The following CELSR1 variants were observed in gnomAD, a reference collection of about 807,000 sequenced individuals.
The protein encoded by CELSR1 is cadherin EGF LAG seven-pass G-type receptor 1, also known as adhesion G protein-coupled receptor C1.
CELSR1 carries 110 observed loss-of-function variants against 249.1 expected under a neutral mutation model. The observed-to-expected ratio is 0.44, with a 90% CI of 0.38 to 0.52. CELSR1 has a LOEUF of 0.52. CELSR1 is among the 20% of genes least tolerant of loss of function. The pLI is 0.00. For missense variants in CELSR1, 4,109 were observed against 4,296.4 expected, an observed-to-expected ratio of 0.96 and a Z score of 1.22; for synonymous variants, 2,113 against 1,900.0, an observed-to-expected ratio of 1.11 and a Z score of -2.92.
chr22:46,367,140 CAGCACCTGCTGCTGCCTCCCTA>C (rs2078794370), intron 28 of CELSR1, 22 bp from the exon 29 acceptor site: 2 of 1,606,508 alleles, frequency 1.2e-6, no homozygotes, highest in East Asian at 4.5e-5. Flanking sequence ...AAGGTGGGGT[CAGCACCTGCTGCTGCCTCCCTA>C]GGCACCTGCC....
At chr22:46,501,910 T>C (rs1231878546) in intron 1 of CELSR1, among the ~76,000 whole-genome samples, 1 of 152,150 alleles carries the variant, frequency 6.6e-6, no homozygotes, top group African/African-American at 2.4e-5. Flanking sequence ...TGTGACTCAC[T>C]TCATTCTGAA....
rs907088881 is a variant in CELSR1, at chr22:46,402,608, T to C, written c.5227-2706A>G. ...AAGTATACGAGGATATAAGGTAATA[T>C]GCTTGAAAACCAAGAGAAGCAAGGA... On this transcript the variant is annotated intron_variant, in intron 9 of 34. Coordinates refer to ENST00000674500, the MANE Select transcript of CELSR1 (RefSeq NM_001378328.1). The surrounding 1 kb of genome is among the most constrained non-coding windows in gnomAD (Gnocchi z 5.0). 1.1e-4 allele frequency among the ~76,000 whole-genome samples: 17 copies of C among 152,186 alleles called. No homozygotes were observed. The highest frequency in any genetic ancestry group is 4.1e-4 in the African/African-American group (17 of 41,432).
chr22:46,493,188 T>C (rs1329387067), intron 1 of CELSR1, among the ~76,000 whole-genome samples: 1 of 151,932 alleles, frequency 6.6e-6, no homozygotes, highest in Non-Finnish European at 1.5e-5. Flanking sequence ...AGTTGGAGGC[T>C]GCAATGAGCC....
chr22:46,382,661 A>G (rs1268482482), intron 20 of CELSR1, among the ~76,000 whole-genome samples: 1 of 152,206 alleles, frequency 6.6e-6, no homozygotes, highest in Non-Finnish European at 1.5e-5. Flanking sequence ...ATGGGTCAAC[A>G]GGTGAGTGGA....
chr22:46,404,737 C>T (rs1422657021), intron 9 of CELSR1, among the ~76,000 whole-genome samples: 1 of 152,120 alleles, frequency 6.6e-6, no homozygotes, highest in Non-Finnish European at 1.5e-5. Flanking sequence ...GATCCACCTG[C>T]CTTGGCCTTC....
intron 2 of CELSR1, chr22:46,462,938 T>C (rs796675695): frequency 4.9e-5 from 23 of 465,932 alleles, no homozygotes; most frequent in African/African-American, 4.6e-4. Context: ...CAGGGAGGCA[T>C]GAAAAAACAG....
chr22:46,494,902 T>C (rs958532430), intron 1 of CELSR1, among the ~76,000 whole-genome samples: 11 of 152,366 alleles, frequency 7.2e-5, no homozygotes, highest in African/African-American at 2.4e-4. Flanking sequence ...GTAGGTTATA[T>C]ATTTCACTTT....
intron 3 of CELSR1, among the ~76,000 whole-genome samples, chr22:46,438,098 A>C (rs1602136283): frequency 6.6e-6 from 1 of 152,176 alleles, no homozygotes; most frequent in African/African-American, 2.4e-5. Context: ...ACGGAGCAAT[A>C]AAGAAGGGAC....
In CELSR1 at chr22:46,484,108, G is replaced by A. The variant is rs187197793; in HGVS notation, c.3545-19763C>T. Among the ~76,000 whole-genome samples the A allele has an allele frequency of 1.1e-4, 17 of 152,324 alleles. No homozygotes were observed. In the East Asian group the frequency reaches 1.7e-3, roughly 16 times the overall value. On this transcript the variant is annotated intron_variant, in intron 1 of 34. Transcript: ENST00000674500. This position sits in a 1 kb window ranked among gnomAD's most constrained non-coding sequence, Gnocchi z 4.5. ...GGCTCTCAGACTCACCTGTAGGGAG[G>A]AGCGCCCCAGGCCTTCCGCCCAGAA... is the stretch of plus-strand genomic sequence containing the variant.
rs146506652 is a variant in CELSR1, at chr22:46,463,854, C to T, written c.4036G>A (p.Gly1346Ser). ...VLFRPIHPIN[G>S]LRCRCPPGFT... is the part of the protein sequence containing the mutation. ...CCGGGCGGGCAGCGGCAGCGCAGGC[C>T]GTTGATGGGGTGGATGGGCCGGAAG... The change falls in exon 2 of 35, where the codon GGC (glycine) becomes AGC (serine). Residue 1346 changes from glycine (G) to serine (S), a missense_variant. Physicochemically the swap from Gly to Ser is moderately conservative, Grantham distance 56. Coordinates refer to ENST00000674500, the MANE Select transcript of CELSR1 (RefSeq NM_001378328.1). 3.3e-4 allele frequency: 536 copies of T among 1,612,452 alleles called. No individual in the cohort carries two copies. The highest frequency in any genetic ancestry group is 4.4e-4 in the Non-Finnish European group (516 of 1,179,350).
At chr22:46,385,880 T>C (rs1297235584) in intron 19 of CELSR1, among the ~76,000 whole-genome samples, 1 of 151,766 alleles carries the variant, frequency 6.6e-6, no homozygotes, top group South Asian at 2.1e-4. Flanking sequence ...GGTTTCACCA[T>C]GTTAGCCAGG....
chr22:46,536,861 G>T lies in CELSR1; in HGVS notation c.310C>A (p.Arg104Ser), dbSNP rs962658227. Residue 104 changes from arginine to serine, a missense_variant, in exon 1 of 35, where the codon CGC becomes AGC. Physicochemically the swap from Arg to Ser is moderately radical, Grantham distance 110. This residue lies in a region of CELSR1 where 673 missense variants were observed against 636.8 expected (regional missense o/e 1.06). Transcript: ENST00000674500. ...GGAAGGTGCGTGCGCGCCCGCAGGC[G>T]GCGGCTCAGCGCCGTCGGGGCACTG... is the stretch of plus-strand genomic sequence containing the variant. Reference protein sequence around the residue: ...ARSAPTALSRRLRARTHLPGC... With the variant: ...ARSAPTALSRSLRARTHLPGC... The T allele has an allele frequency of 3.2e-6, 4 of 1,233,448 alleles. No homozygotes were observed. The African/African-American group carries it at 6.4e-5, about 20-fold the overall frequency. The allele number at this position is 1,233,448 out of a possible 1,614,324, so 76.4% of individuals were successfully genotyped here.
chr22:46,363,520 T>G lies in CELSR1; in HGVS notation c.9036-273A>C. ...AACCGGCCATCTCTACAGTGACTTT[T>G]GGAAGGGGCATTCTGAAGACCTGGC... On this transcript the variant is annotated intron_variant, in intron 34 of 34. Coordinates refer to ENST00000674500, the MANE Select transcript of CELSR1 (RefSeq NM_001378328.1). The surrounding 1 kb of genome is among the most constrained non-coding windows in gnomAD (Gnocchi z 4.3). 1 of 390,124 alleles carries G rather than the reference T, an allele frequency of 2.6e-6. No homozygotes were observed. 24.2% of individuals were successfully genotyped at this position (390,124 alleles called of 1,614,324 possible). A position where few individuals can be genotyped will look rare whatever the true frequency, so the allele number is the denominator to read the frequency against.
chr22:46,442,576 C>G (rs1014105012), intron 2 of CELSR1, among the ~76,000 whole-genome samples: 2 of 152,230 alleles, frequency 1.3e-5, no homozygotes, highest in South Asian at 2.1e-4. Context: ...TCAGGGAGGC[C>G]AACCTCAGCC....
At chr22:46,387,493 G>C (rs1343132253) in intron 18 of CELSR1, among the ~76,000 whole-genome samples, 1 of 145,590 alleles carries the variant, frequency 6.9e-6, no homozygotes, top group Non-Finnish European at 1.5e-5. Context: ...CAATTCTCGT[G>C]CCTCAGCCTC....
intron 1 of CELSR1, among the ~76,000 whole-genome samples, chr22:46,485,515 G>T (rs1001914337): frequency 3.3e-5 from 5 of 152,238 alleles, no homozygotes; most frequent in African/African-American, 1.2e-4. Context: ...CCGCCAGGCA[G>T]CTTCTGTCTG....
intron 31 of CELSR1, 27 bp from the exon 32 acceptor site, chr22:46,365,407 C>T: frequency 6.2e-7 from 1 of 1,610,158 alleles, no homozygotes. Flanking sequence ...GACAGGGAGG[C>T]TCAGGCCCTG....
chr22:46,455,534 C>A (rs1207904514), intron 2 of CELSR1, among the ~76,000 whole-genome samples: 1 of 152,204 alleles, frequency 6.6e-6, no homozygotes, highest in Non-Finnish European at 1.5e-5. Context: ...TTCCTGACCT[C>A]AAGTGATCCG....
At chr22:46,377,990 T>C (rs544672251) in intron 23 of CELSR1, among the ~76,000 whole-genome samples, 26 of 152,194 alleles carry the variant, frequency 1.7e-4, no homozygotes, top group Non-Finnish European at 2.5e-4. Flanking sequence ...ACACAGGCCA[T>C]GGCCAGGCTG....
Sources: gnomAD v4.1 joint callset for allele counts (sites outside exome capture counted in the v4.1 genomes callset) on GRCh38, gnomAD v4.1.1 for gene constraint, gnomAD v4.1.1 regional missense constraint, Gnocchi (gnomAD v3.1) non-coding constraint, MANE v1.5 for transcripts, NCBI Gene and HGNC (gene_info 2026-07-23, HGNC 2026-07-21) for gene names.